STK32B: variants seen among roughly 807,000 people sequenced by gnomAD.
STK32B encodes serine/threonine kinase 32B, also known as serine/threonine-protein kinase 32B.
In STK32B, 43 loss-of-function variants were observed where a neutral mutation model predicts 52.6. That is an observed-to-expected ratio of 0.82 (90% CI 0.64 to 1.05). The LOEUF (loss-of-function observed/expected upper bound fraction) is 1.05, where lower values mean the gene tolerates loss of function less well. Among genes scored for constraint, STK32B ranks in the 50% least tolerant of loss-of-function variants. The probability of loss-of-function intolerance (pLI) is 0.00; values close to 1 mark genes in which losing one functional copy is unlikely to be tolerated. For synonymous variants in STK32B, 238 were observed against 204.3 expected (o/e 1.17, Z -1.41); for missense variants, 621 against 534.6 (o/e 1.16, Z -1.59).
chr4:5,391,103 C>T (rs1178398454), intron 4 of STK32B, among the ~76,000 whole-genome samples: 1 of 151,756 alleles, frequency 6.6e-6, no homozygotes, highest in African/African-American at 2.4e-5. Context: ...GGACTACAGG[C>T]ACCCGCCACC....
intron 3 of STK32B, among the ~76,000 whole-genome samples, chr4:5,180,714 G>A (rs1164787951): frequency 1.3e-5 from 2 of 152,150 alleles, no homozygotes; most frequent in Admixed American, 6.5e-5. Context: ...CATGGAGGGT[G>A]AATTATTGCA....
At chr4:5,301,200 G>T (rs1198377465) in intron 3 of STK32B, among the ~76,000 whole-genome samples, 1 of 152,002 alleles carries the variant, frequency 6.6e-6, no homozygotes, top group Non-Finnish European at 1.5e-5. Flanking sequence ...GAGGATTTCT[G>T]TGTCTGTATT....
At position 5,327,211 on chromosome 4, in the gene STK32B, C is replaced by G. The variant is rs143785975; in HGVS notation, c.261-4009C>G. On this transcript the variant is annotated intron_variant, in intron 3 of 11. Transcript: ENST00000282908. ...TCCTTCCTCCACTGAAGTCTTGAACCCCTCATAGTCATCCATGAGGGTTAG... is the reference window on the plus strand; with the variant it reads ...TCCTTCCTCCACTGAAGTCTTGAACGCCTCATAGTCATCCATGAGGGTTAG... 2.0e-3 allele frequency among the ~76,000 whole-genome samples: 300 copies of G among 151,726 alleles called. 2 individuals carry two copies. Among genetic ancestry groups the G allele is most frequent in the African/African-American group, 6.6e-3 (275 of 41,364 alleles).
intron 3 of STK32B, among the ~76,000 whole-genome samples, chr4:5,246,640 A>G (rs1295477703): frequency 6.6e-6 from 1 of 152,044 alleles, no homozygotes; most frequent in African/African-American, 2.4e-5. Flanking sequence ...TTGGAGGAGG[A>G]GAGGTGCTCT....
chr4:5,274,022 CA>C (rs999526089), intron 3 of STK32B, among the ~76,000 whole-genome samples: 126 of 151,378 alleles, frequency 8.3e-4, no homozygotes, highest in East Asian at 1.8e-3. Flanking sequence ...ACAAAACAAA[CA>C]AAAAAAAGAC....
chr4:5,414,879 A>G (rs1712025611), intron 5 of STK32B, among the ~76,000 whole-genome samples: 1 of 152,236 alleles, frequency 6.6e-6, no homozygotes, highest in Non-Finnish European at 1.5e-5. Context: ...CACTTTCATA[A>G]TGAAAATACC....
chr4:5,438,791 C>T (rs960280954), intron 6 of STK32B, among the ~76,000 whole-genome samples: 16 of 152,150 alleles, frequency 1.1e-4, no homozygotes, highest in African/African-American at 3.9e-4. Context: ...TATGATATTC[C>T]CCTTCCTGTG....
intron 1 of STK32B, among the ~76,000 whole-genome samples, chr4:5,111,468 A>G (rs992291594): frequency 6.6e-6 from 1 of 152,182 alleles, no homozygotes; most frequent in African/African-American, 2.4e-5. Flanking sequence ...TTGCAGCCAC[A>G]TAGATGGAGC....
At chr4:5,296,289 A>G (rs1729193580) in intron 3 of STK32B, among the ~76,000 whole-genome samples, 2 of 152,320 alleles carry the variant, frequency 1.3e-5, no homozygotes, top group Non-Finnish European at 2.9e-5. Context: ...CACTTGGTCT[A>G]GAGCTGAGTT....
rs574434725 is a variant in STK32B, at chr4:5,369,741, T to G, written c.435-28466T>G. ...GGCATCAGACCAATTGTGCCAAGAT[T>G]TGATGCATCCCTTCCTTGAGCCTGG... On this transcript the variant is annotated intron_variant, in intron 4 of 11. Transcript: ENST00000282908. 1.7e-3 allele frequency among the ~76,000 whole-genome samples: 260 copies of G among 152,308 alleles called. 1 individual carries two copies. Among genetic ancestry groups the G allele is most frequent in the African/African-American group, 5.1e-3 (212 of 41,572 alleles).
At chr4:5,384,192 G>A (rs1187730107) in intron 4 of STK32B, among the ~76,000 whole-genome samples, 2 of 152,210 alleles carry the variant, frequency 1.3e-5, no homozygotes, top group African/African-American at 2.4e-5. Flanking sequence ...GCCTTTGAGA[G>A]TACCTGGGTT....
intron 2 of STK32B, among the ~76,000 whole-genome samples, chr4:5,145,417 T>G (rs1716834158): frequency 6.6e-6 from 1 of 152,188 alleles, no homozygotes; most frequent in Non-Finnish European, 1.5e-5. Flanking sequence ...TTATTGACTT[T>G]TGAGAAATAA....
At chr4:5,361,431 G>A (rs1167191979) in intron 4 of STK32B, among the ~76,000 whole-genome samples, 1 of 152,070 alleles carries the variant, frequency 6.6e-6, no homozygotes, top group Non-Finnish European at 1.5e-5. Flanking sequence ...GAGTGCAGTG[G>A]CATGATCGTG....
chr4:5,438,185 C>T, intron 6 of STK32B: 1 of 953,688 alleles, frequency 1.0e-6, no homozygotes. Flanking sequence ...CTCCTTTTCT[C>T]TCAAGCCCTC....
intron 5 of STK32B, among the ~76,000 whole-genome samples, chr4:5,405,360 C>T (rs1737587890): frequency 6.6e-6 from 1 of 152,052 alleles, no homozygotes; most frequent in South Asian, 2.1e-4. Context: ...AGTTTGCTCA[C>T]CCTAAATTCA....
At chr4:5,468,501 G>A (rs535373773) in intron 11 of STK32B, among the ~76,000 whole-genome samples, 30 of 152,316 alleles carry the variant, frequency 2.0e-4, no homozygotes, top group African/African-American at 6.3e-4. Flanking sequence ...CTTAAGACGC[G>A]GGGCTGTGAG....
intron 3 of STK32B, among the ~76,000 whole-genome samples, chr4:5,285,074 T>C (rs765883939): frequency 3.7e-4 from 57 of 152,220 alleles, no homozygotes; most frequent in Admixed American, 2.5e-3. Flanking sequence ...ATTGTAAATA[T>C]ATTTTCTCTT....
intron 7 of STK32B, among the ~76,000 whole-genome samples, chr4:5,449,211 C>T (rs1270603583): frequency 2.6e-5 from 4 of 152,068 alleles, no homozygotes; most frequent in African/African-American, 4.8e-5. Context: ...GGCATGGTGG[C>T]GGGTGCCTGT....
chr4:5,167,268 CT>C (rs60811109), intron 2 of STK32B, among the ~76,000 whole-genome samples: 1,527 of 152,334 alleles, frequency 0.01, 26 homozygotes, highest in African/African-American at 0.035. Flanking sequence ...CACCCTGCCA[CT>C]TGGTGGTTTG....
Sources: allele counts gnomAD v4.1 joint callset (sites outside exome capture counted in the v4.1 genomes callset), GRCh38; gene constraint gnomAD v4.1.1; transcripts MANE v1.5; gene names NCBI Gene and HGNC (gene_info 2026-07-23, HGNC 2026-07-21).